Variants in NUP210 observed in about 807,000 individuals in gnomAD.
NUP210 encodes nucleoporin 210.
Under a neutral mutation model 196.0 loss-of-function variants are expected in NUP210, and 151 were observed. The ratio of observed to expected loss-of-function variants is 0.77; its 90% CI spans 0.67 to 0.88. The LOEUF is 0.88. NUP210 is among the 40% of genes least tolerant of loss of function. The probability of loss-of-function intolerance (pLI) is 0.00; values close to 1 mark genes in which losing one functional copy is unlikely to be tolerated. For missense variants in NUP210, 2,314 were observed against 2,493.7 expected (o/e 0.93, Z 1.53); for synonymous variants, 1,070 against 1,052.7 (o/e 1.02, Z -0.32).
In NUP210 at chr3:13,325,885, G is replaced by A. The variant is rs372792504; in HGVS notation, c.4554C>T (p.Ile1518=). 9 of 1,613,978 alleles carry A rather than the reference G, an allele frequency of 5.6e-6. No individual in the cohort carries two copies. The Admixed American group carries it at 6.7e-5, about 12-fold the overall frequency. Reference sequence around the variant, plus strand: ...CCACAGCCACACCCGTCTTGGGGTCGATGTGGAGGATGCTGTTGGCCGAGG... The same window carrying A: ...CCACAGCCACACCCGTCTTGGGGTCAATGTGGAGGATGCTGTTGGCCGAGG... The part of the protein sequence containing the change: ...WSSSANSILH[I]DPKTGVAVAR... Residue 1518 remains isoleucine, a synonymous_variant, in exon 33 of 40, where the codon ATC becomes ATT. Transcript: ENST00000254508.
Position 13,391,203 on chromosome 3 carries a change from C to G in NUP210, c.533+8G>C. ...AAAGGGGCCAGGCCTAGCAGAGGCA[C>G]CCCTTACCGCAGCGCATTGTGGGAG... On this transcript the variant is annotated splice_region_variant and intron_variant, in intron 4 of 39. Transcript: ENST00000254508. 1.9e-6 allele frequency: 3 copies of G among 1,606,232 alleles called. No individual in the cohort carries two copies. The highest frequency in any genetic ancestry group is 1.1e-5 in the South Asian group (1 of 89,938).
chr3:13,394,705 C>T (rs1392894791), intron 3 of NUP210, among the ~76,000 whole-genome samples: 1 of 152,202 alleles, frequency 6.6e-6, no homozygotes, highest in East Asian at 1.9e-4. Flanking sequence ...AAGGGGACAA[C>T]CTACTGCCTG....
intron 1 of NUP210, among the ~76,000 whole-genome samples, chr3:13,402,060 A>G (rs1432917645): frequency 6.6e-6 from 1 of 152,046 alleles, no homozygotes; most frequent in Non-Finnish European, 1.5e-5. Context: ...TTAGCCAGTT[A>G]TGGTGGTGTG....
chr3:13,356,411 G>A (rs537642343), intron 16 of NUP210, among the ~76,000 whole-genome samples: 3 of 152,322 alleles, frequency 2.0e-5, no homozygotes, highest in South Asian at 2.1e-4. Context: ...TTGGGAGGCC[G>A]AGGTGGGCGG....
rs371966500 is a variant in NUP210 at position 13,351,830 on chromosome 3, C to T, written c.2835+49G>A. The T allele has an allele frequency of 2.4e-5, 28 of 1,182,934 alleles. No individual in the cohort carries two copies. In the African/African-American group the frequency reaches 4.2e-4, roughly 18 times the overall value. The allele number at this position is 1,182,934 out of a possible 1,614,324, so 73.3% of individuals were successfully genotyped here. On this transcript the variant is annotated intron_variant, in intron 20 of 39. Coordinates refer to ENST00000254508, the MANE Select transcript of NUP210 (RefSeq NM_024923.4). ...ATCAATCAATTAACCACACAACAGCCCAGATAAGGAATGAAAACCAACAGT... is the reference window on the plus strand; with the variant it reads ...ATCAATCAATTAACCACACAACAGCTCAGATAAGGAATGAAAACCAACAGT...
intron 13 of NUP210, among the ~76,000 whole-genome samples, chr3:13,370,557 G>A (rs995502235): frequency 2.0e-5 from 3 of 152,188 alleles, no homozygotes; most frequent in South Asian, 2.1e-4. Flanking sequence ...CCTCCAGGAC[G>A]GTTGTGGCAG....
rs1698879083 is a variant in NUP210 at position 13,375,657 on chromosome 3, G to T, written c.1294-16C>A. 6.2e-7 allele frequency: 1 copy of T among 1,608,856 alleles called. No individual in the cohort carries two copies. Among genetic ancestry groups the T allele is most frequent in the Non-Finnish European group, 8.5e-7 (1 of 1,177,170 alleles). ...CCCCTCCATCCTACAAGGGGTGAGG[G>T]TGCCACACGTAACCATGACAACCAT... On this transcript the variant is annotated splice_polypyrimidine_tract_variant and intron_variant, in intron 10 of 39. Coordinates refer to ENST00000254508, the MANE Select transcript of NUP210 (RefSeq NM_024923.4).
At chr3:13,324,165 C>T (rs754385603) in intron 33 of NUP210, among the ~76,000 whole-genome samples, 2 of 152,128 alleles carry the variant, frequency 1.3e-5, no homozygotes, top group Admixed American at 6.5e-5. Flanking sequence ...CCACCATCCA[C>T]CTCCAGGGAC....
rs555957616 is a variant in NUP210, at chr3:13,399,743, T to C, written c.286A>G (p.Ile96Val). ...LTQPARLTSI[I>V]FAEDITTGQV... ...CCCTTACTGATGTCCTCTGCGAAGA[T>C]GATGCTGGTGAGGCGGGCAGGCTGG... The change falls in exon 2 of 40, where the codon ATC becomes GTC. Residue 96 changes from isoleucine to valine, a missense_variant. Ile to Val is a conservative substitution (Grantham distance 29). Transcript: ENST00000254508. 1 of 1,614,036 alleles carries C rather than the reference T, an allele frequency of 6.2e-7. No individual in the cohort carries two copies. Among genetic ancestry groups the C allele is most frequent in the Admixed American group, 1.7e-5 (1 of 60,006 alleles).
Position 13,336,819 on chromosome 3 carries a change from C to G in NUP210, c.3652G>C (p.Asp1218His). 1.2e-6 allele frequency: 2 copies of G among 1,613,812 alleles called. No individual in the cohort carries two copies. Among genetic ancestry groups the G allele is most frequent in the Non-Finnish European group, 1.7e-6 (2 of 1,179,900 alleles). Residue 1218 changes from aspartate (D) to histidine (H), a missense_variant, in exon 27 of 40, where the codon GAC becomes CAC. By Grantham distance (81) the Asp-to-His change is moderately conservative. Transcript: ENST00000254508. ...TGCCGCCCTCGGAGGTCCAGGACGT[C>G]CCGCTTGGTGACAGACCAGTGGAAG... is the stretch of plus-strand genomic sequence containing the variant. ...LTFHWSVTKR[D>H]VLDLRGRHHE...
intron 3 of NUP210, among the ~76,000 whole-genome samples, chr3:13,395,648 A>G (rs1184386529): frequency 6.6e-6 from 1 of 152,140 alleles, no homozygotes; most frequent in Non-Finnish European, 1.5e-5. Flanking sequence ...GCTAAATAAT[A>G]TTCCATTGCA....
rs1020762555 is a variant in NUP210 at position 13,411,134 on chromosome 3, A to G, written c.167+8926T>C. ...ATAGTCCCAACTACTCTAAAGGCTG[A>G]GGAGGGAGGATCACTTGAGCCCAGG... On this transcript the variant is annotated intron_variant, in intron 1 of 39. Coordinates refer to ENST00000254508, the MANE Select transcript of NUP210 (RefSeq NM_024923.4). Among the ~76,000 whole-genome samples, 7 of 152,218 alleles carry G rather than the reference A, an allele frequency of 4.6e-5. No homozygotes were observed. In the East Asian group the frequency reaches 9.7e-4, roughly 21 times the overall value.
In NUP210 at chr3:13,360,476, A is replaced by G. The variant is rs1698335273; in HGVS notation, c.1948T>C (p.Ser650Pro). Residue 650 changes from serine to proline, a missense_variant, in exon 15 of 40, where the codon TCT becomes CCT. Physicochemically the swap from Ser to Pro is moderately conservative, Grantham distance 74. Coordinates refer to ENST00000254508, the MANE Select transcript of NUP210 (RefSeq NM_024923.4). ...GAGCCCAGGGTTACCAAGGCAACAG[A>G]GGAGGGATCCACAGCCTGGGGACAG... ...YLPLKAVDPS[S>P]VALVTLGSSK... is the part of the protein sequence containing the mutation. 4 of 1,610,664 alleles carry G rather than the reference A, an allele frequency of 2.5e-6. No individual in the cohort carries two copies. In the East Asian group the frequency reaches 8.9e-5, roughly 36 times the overall value.
In NUP210 at chr3:13,337,218, C is replaced by T. The variant is rs1455752647; in HGVS notation, c.3553-300G>A. Among the ~76,000 whole-genome samples, 3 of 152,222 alleles carry T rather than the reference C, an allele frequency of 2.0e-5. 1 individual carries two copies. Among genetic ancestry groups the T allele is most frequent in the East Asian group, 3.9e-4 (2 of 5,182 alleles). ...CCATGGGTCCCCCAGCAGCACAGCTCGTGCTGCCCCACAGTGCTGGTTCCT... is the reference window on the plus strand; with the variant it reads ...CCATGGGTCCCCCAGCAGCACAGCTTGTGCTGCCCCACAGTGCTGGTTCCT... On this transcript the variant is annotated intron_variant, in intron 26 of 39. Transcript: ENST00000254508.
chr3:13,321,016 C>T (rs763241345), intron 36 of NUP210, among the ~76,000 whole-genome samples: 20 of 152,262 alleles, frequency 1.3e-4, no homozygotes, highest in Admixed American at 9.2e-4. Context: ...CGATGCTGAG[C>T]ATTCCCTGCC....
In NUP210 at chr3:13,379,525, G is replaced by C; in HGVS notation, c.976+38C>G. 3 of 1,612,796 alleles carry C rather than the reference G, an allele frequency of 1.9e-6. No homozygotes were observed. In the East Asian group the frequency reaches 6.7e-5, roughly 36 times the overall value. On this transcript the variant is annotated intron_variant, in intron 7 of 39. Coordinates refer to ENST00000254508, the MANE Select transcript of NUP210 (RefSeq NM_024923.4). The surrounding 1 kb of genome is among the most constrained non-coding windows in gnomAD (Gnocchi z 4.2). ...GACTTGACTTCCAAACAGCAGCTCC[G>C]CCATGCCTAAGAACACACAAGCCCA... is the stretch of plus-strand genomic sequence containing the variant.
chr3:13,375,555 G>A lies in NUP210; in HGVS notation c.1380C>T (p.Ile460=). The change falls in exon 11 of 40, where the codon ATC becomes ATT. Residue 460 remains isoleucine (I), a synonymous_variant. Transcript: ENST00000254508. ...IHIPITLYPS[I]LTFPWQPKTG... ...TCTTTGGTTGCCACGGAAATGTCAA[G>A]ATGCTGGGATACAGGGTGATCGGGA... The A allele has an allele frequency of 1.9e-6, 3 of 1,614,194 alleles. No homozygotes were observed. Among genetic ancestry groups the A allele is most frequent in the Non-Finnish European group, 2.5e-6 (3 of 1,180,034 alleles).
Position 13,351,862 on chromosome 3 carries a change from C to T in NUP210, c.2835+17G>A, listed in dbSNP as rs961640915. ...AGGAATGAAAACCAACAGTGGGGAC[C>T]GATGGCCCAAGCTTACCATGGCGAC... On this transcript the variant is annotated intron_variant, in intron 20 of 39. Transcript: ENST00000254508. The T allele has an allele frequency of 7.1e-6, 11 of 1,555,290 alleles. No homozygotes were observed. Among genetic ancestry groups the T allele is most frequent in the East Asian group, 2.2e-5 (1 of 44,606 alleles).
intron 4 of NUP210, among the ~76,000 whole-genome samples, chr3:13,390,075 G>C (rs1365307530): frequency 6.6e-6 from 1 of 152,206 alleles, no homozygotes; most frequent in African/African-American, 2.4e-5. Context: ...TTACTGAAAA[G>C]GATAAAGCTG....
Sources: gnomAD v4.1 joint callset for allele counts (sites outside exome capture counted in the v4.1 genomes callset) on GRCh38, gnomAD v4.1.1 for gene constraint, Gnocchi (gnomAD v3.1) non-coding constraint, MANE v1.5 for transcripts, NCBI Gene and HGNC (gene_info 2026-07-23, HGNC 2026-07-21) for gene names.